Variants in CD8B observed in about 807,000 individuals in gnomAD.
The protein encoded by CD8B is CD8 subunit beta.
CD8B carries 6 observed loss-of-function variants against 24.2 expected under a neutral mutation model. The ratio of observed to expected loss-of-function variants is 0.25; its 90% confidence interval spans 0.14 to 0.49. The LOEUF (loss-of-function observed/expected upper bound fraction) is 0.49, where lower values mean the gene tolerates loss of function less well. Among genes scored for constraint, CD8B ranks in the 20% least tolerant of loss-of-function variants. CD8B has a pLI of 0.98. For synonymous variants in CD8B, 84 were observed against 108.3 expected, an observed-to-expected ratio of 0.78 and a Z score of 1.39; for missense variants, 196 against 271.3, an observed-to-expected ratio of 0.72 and a Z score of 1.95.
chr2:86,851,831 CTGTG>C lies in CD8B; in HGVS notation c.493+1162_493+1165del, dbSNP rs375526192. On this transcript the variant is annotated intron_variant, in intron 3 of 5. Transcript: ENST00000390655. ...AAAACGTGTGCATGGGCATGTGTGT[CTGTG>C]TGTGTGTGTATGTGGCATACACTCC... is the stretch of plus-strand genomic sequence containing the variant. Among the ~76,000 whole-genome samples, 35 of 151,780 alleles carry C rather than the reference CTGTG, an allele frequency of 2.3e-4. No individual in the cohort carries two copies. The East Asian group carries it at 6.8e-3, about 29-fold the overall frequency.
In CD8B at chr2:86,839,529, C is replaced by T. The variant is rs1675321570; in HGVS notation, c.*2778G>A. On this transcript the variant is annotated 3_prime_UTR_variant, in exon 6 of 6. Transcript: ENST00000390655. ...CTCAGCTCCTTCTTCAAACAAAGGT[C>T]AGGTGCTGGGTGCAGACCTTCTCAC... Among the ~76,000 whole-genome samples the T allele has an allele frequency of 6.6e-6, 1 of 152,202 alleles. No homozygotes were observed. The highest frequency in any genetic ancestry group is 2.4e-5 in the African/African-American group (1 of 41,454).
exon 6 of CD8B, chr2:86,815,650 G>C: frequency 6.2e-7 from 1 of 1,613,542 alleles, no homozygotes; most frequent in Admixed American, 1.7e-5. Flanking sequence ...CTGTGAGGTT[G>C]TAGTATTGCT....
At position 86,818,691 on chromosome 2, in the gene CD8B, G is replaced by C. The variant is rs1004370111; in HGVS notation, c.621-2973C>G. Among the ~76,000 whole-genome samples the C allele has an allele frequency of 2.2e-4, 33 of 152,122 alleles. 1 individual carries two copies. Among genetic ancestry groups the C allele is most frequent in the Non-Finnish European group, 5.9e-5 (4 of 68,024 alleles). Reference sequence around the variant, plus strand: ...TTCTCCTTAGGCCCCCCTATGCCCTGAGCCACAAAAATATTAAAATTAGGC... The same window carrying C: ...TTCTCCTTAGGCCCCCCTATGCCCTCAGCCACAAAAATATTAAAATTAGGC... On this transcript the variant is annotated intron_variant, in intron 5 of 5. Transcript: ENST00000331469.
chr2:86,821,092 G>A (rs1006884219), intron 5 of CD8B, among the ~76,000 whole-genome samples: 1 of 150,792 alleles, frequency 6.6e-6, no homozygotes, highest in African/African-American at 2.4e-5. Flanking sequence ...AGCTGGCTTT[G>A]AATATAGGTG....
chr2:86,844,108 C>G (rs571971061), intron 5 of CD8B, among the ~76,000 whole-genome samples: 9 of 152,198 alleles, frequency 5.9e-5, no homozygotes, highest in Non-Finnish European at 1.2e-4. Context: ...TGGCTTCCAA[C>G]AGCCTCATGA....
chr2:86,845,102 C>A, intron 4 of CD8B, 144 bp from the exon 5 acceptor site: 11 of 1,146,010 alleles, frequency 9.6e-6, no homozygotes, highest in Non-Finnish European at 1.3e-5. Flanking sequence ...ACACTTTACA[C>A]ATTTTAATCC....
At chr2:86,829,149 G>A (rs567756197) in intron 5 of CD8B, among the ~76,000 whole-genome samples, 1 of 128,746 alleles carries the variant, frequency 7.8e-6, no homozygotes, top group East Asian at 2.4e-4. Flanking sequence ...GCCCAGGCTG[G>A]AGTGCAGTGG....
intron 4 of CD8B, among the ~76,000 whole-genome samples, 173 bp from the exon 5 acceptor site, chr2:86,845,131 A>C (rs1428382496): frequency 6.6e-6 from 1 of 152,000 alleles, no homozygotes; most frequent in Non-Finnish European, 1.5e-5. Context: ...CTCACTGAAA[A>C]CCTGAGTTGG....
chr2:86,856,215 G>A (rs1444742930), intron 2 of CD8B, among the ~76,000 whole-genome samples: 1 of 152,182 alleles, frequency 6.6e-6, no homozygotes, highest in Non-Finnish European at 1.5e-5. Flanking sequence ...TTTGGGGTTT[G>A]GAAACACGGA....
intron 2 of CD8B, among the ~76,000 whole-genome samples, chr2:86,855,159 A>C (rs1201219457): frequency 6.6e-6 from 1 of 152,090 alleles, no homozygotes; most frequent in East Asian, 1.9e-4. Context: ...GGGAACAGGC[A>C]GGGGAAGCCC....
At chr2:86,818,125 G>T (rs1040085798) in intron 5 of CD8B, among the ~76,000 whole-genome samples, 3 of 152,110 alleles carry the variant, frequency 2.0e-5, no homozygotes, top group African/African-American at 7.2e-5. Context: ...CAGGAGAATT[G>T]CTTGAACTGG....
downstream of CD8B, among the ~76,000 whole-genome samples, chr2:86,836,445 TG>T: frequency 6.6e-6 from 1 of 152,122 alleles, no homozygotes; most frequent in Non-Finnish European, 1.5e-5. Context: ...CAGGGCTGGC[TG>T]GGCACACAGA....
chr2:86,844,582 T>G, intron 5 of CD8B: 1 of 1,351,732 alleles, frequency 7.4e-7, no homozygotes, highest in Non-Finnish European at 9.7e-7. Flanking sequence ...ACTGGTCAGG[T>G]TTTTGTTTGT....
chr2:86,845,408 A>T (rs1340690560), intron 4 of CD8B, among the ~76,000 whole-genome samples: 1 of 152,154 alleles, frequency 6.6e-6, no homozygotes, highest in Non-Finnish European at 1.5e-5. Flanking sequence ...GGAGTTAGGA[A>T]GAAAATAAAA....
rs766148662 is a variant in CD8B at position 86,844,937 on chromosome 2, A to G, written c.605T>C (p.Leu202Pro). ...ATACACTTACTGTTTCATGAAACGA[A>G]GCCGGGCTCTCCTCCGCCGGCCTGG... ...HLCCRRRRAR[L>P]RFMKQFYK The change falls in exon 5 of 6, where the codon CTT becomes CCT. Residue 202 changes from leucine to proline, a missense_variant. By Grantham distance (98) the Leu-to-Pro change is moderately conservative (BLOSUM62 -3). Coordinates refer to ENST00000390655, the MANE Select transcript of CD8B (RefSeq NM_004931.5). 5 of 1,556,118 alleles carry G rather than the reference A, an allele frequency of 3.2e-6. No individual in the cohort carries two copies. In the South Asian group the frequency reaches 5.9e-5, roughly 18 times the overall value.
chr2:86,823,439 C>T (rs1209802128), intron 5 of CD8B, among the ~76,000 whole-genome samples: 7 of 151,884 alleles, frequency 4.6e-5, no homozygotes, highest in African/African-American at 1.7e-4. Flanking sequence ...ACCACGGTGC[C>T]CGGCTAATTT....
At chr2:86,816,304 T>C (rs1674240519) in intron 5 of CD8B, among the ~76,000 whole-genome samples, 1 of 152,108 alleles carries the variant, frequency 6.6e-6, no homozygotes, top group Non-Finnish European at 1.5e-5. Context: ...GATGGAAACT[T>C]CTCCTCCGGG....
At chr2:86,854,031 G>T (rs1173919366) in intron 2 of CD8B, among the ~76,000 whole-genome samples, 1 of 151,034 alleles carries the variant, frequency 6.6e-6, no homozygotes, top group African/African-American at 2.4e-5. Flanking sequence ...ACGAGCCACC[G>T]CACCCGGCCG....
intron 5 of CD8B, among the ~76,000 whole-genome samples, chr2:86,829,095 C>CT (rs746569858): frequency 0.029 from 2,389 of 82,910 alleles, 183 homozygotes; most frequent in East Asian, 0.11. Context: ...ATGCTCTTTA[C>CT]TTTTTTTTTT....
Sources: gnomAD v4.1 joint callset for allele counts (sites outside exome capture counted in the v4.1 genomes callset) on GRCh38, gnomAD v4.1.1 for gene constraint, MANE v1.5 for transcripts, NCBI Gene and HGNC (gene_info 2026-07-23, HGNC 2026-07-21) for gene names.